The following DLGAP3 variants were observed in gnomAD, a reference collection of about 807,000 sequenced individuals.
DLGAP3 encodes DLG associated protein 3.
A neutral mutation model predicts 81.2 loss-of-function variants in DLGAP3; 17 were observed. That is an observed-to-expected ratio of 0.21 (90% CI 0.14 to 0.31). The LOEUF (loss-of-function observed/expected upper bound fraction) is 0.31, where lower values mean the gene tolerates loss of function less well. DLGAP3 is among the 10% of genes least tolerant of loss of function. The pLI, the probability that DLGAP3 is intolerant of heterozygous loss-of-function variation, is 1.00. For synonymous variants in DLGAP3, 577 were observed against 587.4 expected (o/e 0.98, Z 0.26); for missense variants, 1,124 against 1,388.0 (o/e 0.81, Z 3.02).
chr1:34,903,025 G>C (rs758025311), intron 3 of DLGAP3, among the ~76,000 whole-genome samples: 1 of 152,134 alleles, frequency 6.6e-6, no homozygotes, highest in East Asian at 1.9e-4. Flanking sequence ...GTGCTCCCTT[G>C]GGCCTTCATG....
In DLGAP3 at chr1:34,904,092, CA is replaced by C. The variant is rs1639503709; in HGVS notation, c.1107+184del. On this transcript the variant is annotated intron_variant, in intron 3 of 11. Transcript: ENST00000373347. This position sits in a 1 kb window ranked among gnomAD's most constrained non-coding sequence, Gnocchi z 8.1. ...AGAACAGAAGGGCCCCTTCATTGCA[CA>C]AATGGGGAAAGTGAAGCCCCAAAGG... Among the ~76,000 whole-genome samples, 1 of 152,192 alleles carries C rather than the reference CA, an allele frequency of 6.6e-6. No individual in the cohort carries two copies. Among genetic ancestry groups the C allele is most frequent in the Non-Finnish European group, 1.5e-5 (1 of 68,030 alleles).
intron 1 of DLGAP3, among the ~76,000 whole-genome samples, chr1:34,913,931 A>G (rs1639678176): frequency 1.3e-5 from 2 of 152,126 alleles, no homozygotes; most frequent in Non-Finnish European, 2.9e-5. Flanking sequence ...TTCCAGTTGC[A>G]TCTAGGTCTC....
At position 34,904,177 on chromosome 1, in the gene DLGAP3, C is replaced by T; in HGVS notation, c.1107+100G>A. On this transcript the variant is annotated intron_variant, in intron 3 of 11. Transcript: ENST00000373347. This position sits in a 1 kb window ranked among gnomAD's most constrained non-coding sequence, Gnocchi z 8.1. ...CTCCCTACACCCAGGCCCTCCATCA[C>T]AGGGACAGCTGGCTCCCACCCAACC... is the stretch of plus-strand genomic sequence containing the variant. 1.2e-5 allele frequency: 18 copies of T among 1,463,280 alleles called. No homozygotes were observed. In the South Asian group the frequency reaches 2.1e-4, roughly 17 times the overall value. The allele number at this position is 1,463,280 out of a possible 1,614,324, so 90.6% of individuals were successfully genotyped here.
Position 34,866,069 on chromosome 1 carries a change from G to A in DLGAP3, c.*14C>T, listed in dbSNP as rs868608971. 6.3e-7 allele frequency: 1 copy of A among 1,588,274 alleles called. No homozygotes were observed. The highest frequency in any genetic ancestry group is 1.7e-4 in the Middle Eastern group (1 of 5,850). The stretch of plus-strand genomic sequence containing the variant: ...GAACCGCGGGCCCGGGCCGGGCTGG[G>A]CGGGCCGGACCGGTCACAGCCTGGT... On this transcript the variant is annotated 3_prime_UTR_variant, in exon 12 of 12. Coordinates refer to ENST00000373347, the MANE Select transcript of DLGAP3 (RefSeq NM_001080418.3).
chr1:34,884,893 G>A, intron 8 of DLGAP3, 85 bp downstream of exon 8: 1 of 1,056,220 alleles, frequency 9.5e-7, no homozygotes. Context: ...AGGATGTGCA[G>A]GGAGACTGGG....
Position 34,900,347 on chromosome 1 carries a change from C to A in DLGAP3, c.1108-74G>T. 6.8e-7 allele frequency: 1 copy of A among 1,470,372 alleles called. No homozygotes were observed. Among genetic ancestry groups the A allele is most frequent in the Non-Finnish European group, 9.5e-7 (1 of 1,056,700 alleles). 91.1% of individuals were successfully genotyped at this position (1,470,372 alleles called of 1,614,324 possible). A position where few individuals can be genotyped will look rare whatever the true frequency, so the allele number is the denominator to read the frequency against. ...AGAGGCCAGGACTCTTTCCCCACTG[C>A]CAGTGGGAGATGCCCTGCCCTGGCT... On this transcript the variant is annotated intron_variant, in intron 3 of 11. Coordinates refer to ENST00000373347, the MANE Select transcript of DLGAP3 (RefSeq NM_001080418.3). The surrounding 1 kb of genome is among the most constrained non-coding windows in gnomAD (Gnocchi z 5.6).
At chr1:34,886,344 T>G in intron 5 of DLGAP3, 59 bp from the exon 6 acceptor site, 3 of 1,475,210 alleles carry the variant, frequency 2.0e-6, no homozygotes, top group Non-Finnish European at 2.7e-6. Flanking sequence ...TGGAAGTCCC[T>G]GGGGTGCTCT....
intron 8 of DLGAP3, among the ~76,000 whole-genome samples, chr1:34,875,395 G>A (rs1231700707): frequency 6.6e-6 from 1 of 152,190 alleles, no homozygotes; most frequent in East Asian, 1.9e-4. Flanking sequence ...TTTTTACTAT[G>A]AGTATGTCCC....
chr1:34,911,477 G>A (rs981990928), intron 1 of DLGAP3, among the ~76,000 whole-genome samples: 1 of 152,098 alleles, frequency 6.6e-6, no homozygotes, highest in Admixed American at 6.5e-5. Flanking sequence ...CACTATCCCA[G>A]GACACAGAGA....
rs34565935 is a variant in DLGAP3, at chr1:34,884,972, CT to C, written c.2000+5del. ...CGAAGCCTGGGCACTCCCACCGTGA[CT>C]TTACCTCTTGTCCTCTTCCACCTGC... On this transcript the variant is annotated splice_donor_5th_base_variant and intron_variant, in intron 8 of 11. Transcript: ENST00000373347. 180,721 of 1,611,186 alleles carry C rather than the reference CT, an allele frequency of 0.11. 11,239 individuals are homozygous for C. The highest frequency in any genetic ancestry group is 0.16 in the South Asian group (14,824 of 90,992).
At chr1:34,894,708 A>C (rs935411055) in intron 5 of DLGAP3, among the ~76,000 whole-genome samples, 1 of 152,240 alleles carries the variant, frequency 6.6e-6, no homozygotes, top group Admixed American at 6.5e-5. Context: ...ACAGATATTC[A>C]CTGAAAAAAT....
intron 1 of DLGAP3, chr1:34,925,617 T>TC (rs1158859813): frequency 6.6e-6 from 1 of 152,194 alleles, no homozygotes; most frequent in Non-Finnish European, 1.5e-5. Context: ...TTTCATTCTC[T>TC]CCCCATGTCT....
chr1:34,869,087 C>T lies in DLGAP3; in HGVS notation c.2003G>A (p.Arg668Gln), dbSNP rs372375237. 2 of 1,587,464 alleles carry T rather than the reference C, an allele frequency of 1.3e-6. No individual in the cohort carries two copies. Among genetic ancestry groups the T allele is most frequent in the Admixed American group, 1.7e-5 (1 of 59,508 alleles). Reference sequence around the variant, plus strand: ...ACTATTGGAGCGCTTGAACCTTGCTCGCCTGGGGAGAGGGGTGGCTGTCAT... The same window carrying T: ...ACTATTGGAGCGCTTGAACCTTGCTTGCCTGGGGAGAGGGGTGGCTGTCAT... Reference protein sequence around the residue: ...IGVQVEEDKRRARFKRSNSVT... With the variant: ...IGVQVEEDKRQARFKRSNSVT... Residue 668 changes from arginine to glutamine, a missense_variant and splice_region_variant, in exon 9 of 12, where the codon CGA (arginine) becomes CAA (glutamine). By Grantham distance (43) the Arg-to-Gln change is conservative. This residue lies in a region of DLGAP3 where 379 missense variants were observed against 455.7 expected (regional missense o/e 0.83). Transcript: ENST00000373347.
intron 6 of DLGAP3, 75 bp downstream of exon 6, chr1:34,885,997 G>C (rs1639220687): frequency 7.0e-7 from 1 of 1,433,404 alleles, no homozygotes. Flanking sequence ...CAGCACAGTC[G>C]AGGGGGAGGC....
At chr1:34,890,099 G>A (rs1234616728) in intron 5 of DLGAP3, among the ~76,000 whole-genome samples, 1 of 152,210 alleles carries the variant, frequency 6.6e-6, no homozygotes, top group African/African-American at 2.4e-5. Flanking sequence ...CTGAAGTACA[G>A]GGATGGCGGG....
chr1:34,866,242 C>T lies in DLGAP3; in HGVS notation c.2781G>A (p.Pro927=), dbSNP rs768964682. 5.7e-6 allele frequency: 9 copies of T among 1,569,086 alleles called. No individual in the cohort carries two copies. Among genetic ancestry groups the T allele is most frequent in the East Asian group, 2.3e-5 (1 of 42,578 alleles). ...CGGAGTCCAGGGAGCGCTCCTTCAC[C>T]GGCACGCCCCGGCCCCGCAGGGGCT... The part of the protein sequence containing the change: ...PKKPLRGRGV[P]VKERSLDSVD... The change falls in exon 12 of 12, where the codon CCG becomes CCA. Residue 927 remains proline (P), a synonymous_variant. Transcript: ENST00000373347.
chr1:34,919,548 G>A lies in DLGAP3; in HGVS notation c.-135+9903C>T, dbSNP rs1639767553. ...AATCCCAGCACTTTGGGAGGCCGAG[G>A]TGGGCGGATCACTTGAGGTCAGGAG... On this transcript the variant is annotated intron_variant, in intron 1 of 11. Transcript: ENST00000373347. Among the ~76,000 whole-genome samples, 3 of 152,268 alleles carry A rather than the reference G, an allele frequency of 2.0e-5. No individual in the cohort carries two copies. In the South Asian group the frequency reaches 6.2e-4, roughly 32 times the overall value.
Position 34,902,195 on chromosome 1 carries a change from T to A in DLGAP3, c.1108-1922A>T, listed in dbSNP as rs1241198747. ...AGGTAGGGAGGATTTAAAACACTTG[T>A]GTAAAGAACAGGTTAAATGGGGTAG... On this transcript the variant is annotated intron_variant, in intron 3 of 11. Transcript: ENST00000373347. The surrounding 1 kb of genome is among the most constrained non-coding windows in gnomAD (Gnocchi z 4.4). Among the ~76,000 whole-genome samples the A allele has an allele frequency of 6.6e-6, 1 of 151,802 alleles. No homozygotes were observed. The highest frequency in any genetic ancestry group is 1.5e-5 in the Non-Finnish European group (1 of 67,954).
chr1:34,900,117 G>C lies in DLGAP3; in HGVS notation c.1264C>G (p.Arg422Gly). Reference sequence around the variant, plus strand: ...GAGGAGCGACGGGTGGTGAAGCGTCGGGCGACTGCTTTGGGAGATGTCTTG... The same window carrying C: ...GAGGAGCGACGGGTGGTGAAGCGTCCGGCGACTGCTTTGGGAGATGTCTTG... Reference protein sequence around the residue: ...SPKTSPKAVARRFTTRRSSSV... With the variant: ...SPKTSPKAVAGRFTTRRSSSV... The change falls in exon 4 of 12, where the codon CGA becomes GGA. Residue 422 changes from arginine (R) to glycine (G), a missense_variant. By Grantham distance (125) the Arg-to-Gly change is moderately radical (BLOSUM62 -2). Around this residue, in one of 9 missense-constraint regions of DLGAP3, gnomAD observed 357 missense variants for 408.8 expected, o/e 0.87. Coordinates refer to ENST00000373347, the MANE Select transcript of DLGAP3 (RefSeq NM_001080418.3). The surrounding 1 kb of genome is among the most constrained non-coding windows in gnomAD (Gnocchi z 5.6). 1.2e-6 allele frequency: 2 copies of C among 1,613,932 alleles called. No homozygotes were observed. The highest frequency in any genetic ancestry group is 1.7e-6 in the Non-Finnish European group (2 of 1,180,038).
Sources: allele counts gnomAD v4.1 joint callset (sites outside exome capture counted in the v4.1 genomes callset), GRCh38; gene constraint gnomAD v4.1.1; regional missense constraint gnomAD v4.1.1; non-coding constraint Gnocchi (gnomAD v3.1); transcripts MANE v1.5; gene names NCBI Gene and HGNC (gene_info 2026-07-23, HGNC 2026-07-21).